The following GALNT13 variants were observed in gnomAD, a reference collection of about 807,000 sequenced individuals.
GALNT13 encodes polypeptide N-acetylgalactosaminyltransferase 13.
GALNT13 carries 28 observed loss-of-function variants against 64.2 expected under a neutral mutation model. The observed-to-expected ratio is 0.44, with a 90% CI of 0.32 to 0.60. The LOEUF is 0.60. Ranked by LOEUF, GALNT13 falls within the 20% of genes least tolerant of loss-of-function variation. GALNT13 has a pLI of 0.05. For missense variants in GALNT13, 577 were observed against 669.8 expected (o/e 0.86, Z 1.53); for synonymous variants, 214 against 224.6 (o/e 0.95, Z 0.42).
At chr2:153,615,602 C>T in the GALNT13 span, among the ~76,000 whole-genome samples, 1 of 151,938 alleles carries the variant, frequency 6.6e-6, no homozygotes, top group Non-Finnish European at 1.5e-5. Flanking sequence ...TTCATTGTAG[C>T]TTTGATCTGC....
At chr2:153,587,435 G>C in the GALNT13 span, among the ~76,000 whole-genome samples, 1 of 152,242 alleles carries the variant, frequency 6.6e-6, no homozygotes. Flanking sequence ...TAGACTCACA[G>C]TTCAACATGG....
chr2:153,436,463 T>A, the GALNT13 span, among the ~76,000 whole-genome samples: 1 of 152,172 alleles, frequency 6.6e-6, no homozygotes, highest in Non-Finnish European at 1.5e-5. Context: ...GGTCCTGGAC[T>A]TTTTTTGGTT....
chr2:153,302,013 T>G, the GALNT13 span, among the ~76,000 whole-genome samples: 4 of 152,084 alleles, frequency 2.6e-5, no homozygotes, highest in Non-Finnish European at 4.4e-5. Context: ...AACATGGAAG[T>G]ACAGGTATTT....
At chr2:153,672,164 A>T in the GALNT13 span, among the ~76,000 whole-genome samples, 2 of 152,170 alleles carry the variant, frequency 1.3e-5, no homozygotes, top group Admixed American at 1.3e-4. Context: ...ATTAACAAGG[A>T]TATCTAGGAC....
the GALNT13 span, among the ~76,000 whole-genome samples, chr2:153,077,290 A>T: frequency 6.6e-6 from 1 of 152,166 alleles, no homozygotes; most frequent in Non-Finnish European, 1.5e-5. Context: ...TGCAGAAAAA[A>T]AAATGGTATT....
the GALNT13 span, chr2:153,477,683 A>T: frequency 6.6e-6 from 1 of 151,412 alleles, no homozygotes. Context: ...AAGCAAACAA[A>T]CACAAAACCT....
chr2:154,150,047 T>G (rs1291117753), intron 4 of GALNT13, among the ~76,000 whole-genome samples: 1 of 152,240 alleles, frequency 6.6e-6, no homozygotes, highest in African/African-American at 2.4e-5. Flanking sequence ...CCATTCAGTA[T>G]GATATTCGCT....
intron 3 of GALNT13, among the ~76,000 whole-genome samples, chr2:154,139,294 G>A (rs1178187767): frequency 3.3e-5 from 5 of 151,810 alleles, no homozygotes; most frequent in African/African-American, 1.2e-4. Flanking sequence ...TAGAATTTAT[G>A]TTTTTAATGA....
chr2:154,097,524 A>G (rs1395898457), intron 3 of GALNT13, among the ~76,000 whole-genome samples: 1 of 152,114 alleles, frequency 6.6e-6, no homozygotes, highest in Non-Finnish European at 1.5e-5. Context: ...TAAAACAAAC[A>G]AAATTATTAA....
chr2:154,399,893 A>G (rs1300568672), intron 10 of GALNT13, among the ~76,000 whole-genome samples: 1 of 152,160 alleles, frequency 6.6e-6, no homozygotes, highest in Non-Finnish European at 1.5e-5. Flanking sequence ...CATGGGTTAT[A>G]TGGTATAACG....
chr2:153,146,839 T>A, the GALNT13 span, among the ~76,000 whole-genome samples: 1 of 151,912 alleles, frequency 6.6e-6, no homozygotes, highest in Non-Finnish European at 1.5e-5. Context: ...AACTATTTGC[T>A]CATGGGATTT....
intron 9 of GALNT13, among the ~76,000 whole-genome samples, chr2:154,391,662 A>G (rs1698799437): frequency 2.6e-5 from 4 of 152,216 alleles, no homozygotes; most frequent in Admixed American, 1.3e-4. Context: ...GATGTGTATT[A>G]AGCAATTATT....
the GALNT13 span, among the ~76,000 whole-genome samples, chr2:153,238,679 C>T: frequency 6.7e-6 from 1 of 148,704 alleles, no homozygotes; most frequent in African/African-American, 2.5e-5. Flanking sequence ...CTATTCTGCT[C>T]CATTAGTCTA....
At position 154,093,641 on chromosome 2, in the gene GALNT13, G is replaced by A. The variant is rs140304832; in HGVS notation, c.143-46696G>A. 5.4e-5 allele frequency among the ~76,000 whole-genome samples: 8 copies of A among 148,620 alleles called. No individual in the cohort carries two copies. In the East Asian group the frequency reaches 8.1e-4, roughly 15 times the overall value. On this transcript the variant is annotated intron_variant, in intron 3 of 12. Coordinates refer to ENST00000392825, the MANE Select transcript of GALNT13 (RefSeq NM_052917.4). ...AATGATTAATTAAATGACCTAAAAC[G>A]TTTAAAGCATTTTGCCACACATTAT...
the GALNT13 span, among the ~76,000 whole-genome samples, chr2:153,296,796 A>G: frequency 3.3e-5 from 5 of 151,862 alleles, 1 homozygote; most frequent in South Asian, 1.0e-3. Flanking sequence ...TGGATTCTCA[A>G]TTTTTTTTTA....
At chr2:154,176,118 C>A (rs1034900430) in intron 4 of GALNT13, among the ~76,000 whole-genome samples, 29 of 151,948 alleles carry the variant, frequency 1.9e-4, no homozygotes, top group African/African-American at 6.8e-4. Context: ...CACACAGACA[C>A]AAAAGAGAGA....
chr2:153,784,096 A>G, the GALNT13 span, among the ~76,000 whole-genome samples: 1 of 152,134 alleles, frequency 6.6e-6, no homozygotes, highest in African/African-American at 2.4e-5. Context: ...AAGGTAGGAA[A>G]ATGTGGGAAA....
At chr2:153,847,878 G>C in the GALNT13 span, among the ~76,000 whole-genome samples, 1 of 152,106 alleles carries the variant, frequency 6.6e-6, no homozygotes, top group African/African-American at 2.4e-5. Context: ...AAAAATATGG[G>C]ATTTTACCTA....
chr2:154,100,105 C>T (rs930078904), intron 3 of GALNT13, among the ~76,000 whole-genome samples: 5 of 152,098 alleles, frequency 3.3e-5, no homozygotes, highest in Non-Finnish European at 7.4e-5. Flanking sequence ...GTTTTGGTAA[C>T]TATAGCCTTG....
Sources: gnomAD v4.1 joint callset for allele counts (sites outside exome capture counted in the v4.1 genomes callset) on GRCh38, gnomAD v4.1.1 for gene constraint, MANE v1.5 for transcripts, NCBI Gene and HGNC (gene_info 2026-07-23, HGNC 2026-07-21) for gene names.